ATP2B2: variants seen among roughly 807,000 people sequenced by gnomAD.
The protein encoded by ATP2B2 is ATPase plasma membrane Ca2+ transporting 2.
Under a neutral mutation model 120.0 loss-of-function variants are expected in ATP2B2, and 15 were observed. The observed-to-expected ratio is 0.12, with a 90% CI of 0.08 to 0.19. The LOEUF (loss-of-function observed/expected upper bound fraction) is 0.19, where lower values mean the gene tolerates loss of function less well. Ranked by LOEUF, ATP2B2 falls within the 10% of genes least tolerant of loss-of-function variation. The pLI is 1.00. For missense variants in ATP2B2, 1,045 were observed against 1,719.8 expected (o/e 0.61, Z 6.94); for synonymous variants, 694 against 700.3 (o/e 0.99, Z 0.14).
At chr3:10,658,710 C>G (rs2070702684) in intron 1 of ATP2B2, among the ~76,000 whole-genome samples, 2 of 152,066 alleles carry the variant, frequency 1.3e-5, no homozygotes, top group Non-Finnish European at 2.9e-5. Context: ...CCTAGCAAGG[C>G]AGGCCAACAT....
At chr3:10,586,860 C>A (rs2068521178) in intron 2 of ATP2B2, among the ~76,000 whole-genome samples, 1 of 152,188 alleles carries the variant, frequency 6.6e-6, no homozygotes, top group Admixed American at 6.5e-5. Context: ...TGTCACACCC[C>A]ACTGCCCAGC....
At chr3:10,516,769 C>T (rs2066884343) in intron 3 of ATP2B2, among the ~76,000 whole-genome samples, 1 of 152,190 alleles carries the variant, frequency 6.6e-6, no homozygotes, top group Admixed American at 6.5e-5. Flanking sequence ...AGGTGCCGTG[C>T]CCACAGCCTT....
At chr3:10,385,381 C>T in intron 7 of ATP2B2, 54 bp from the exon 8 acceptor site, 1 of 1,522,494 alleles carries the variant, frequency 6.6e-7, no homozygotes. Flanking sequence ...AGAAAAGCAA[C>T]AACGACAAAG....
chr3:10,447,180 A>C (rs2063865412), intron 2 of ATP2B2, among the ~76,000 whole-genome samples: 1 of 152,222 alleles, frequency 6.6e-6, no homozygotes, highest in South Asian at 2.1e-4. Context: ...GCTGGGACTT[A>C]GTAGCTGTGT....
At chr3:10,550,408 A>T (rs941684629) in intron 2 of ATP2B2, among the ~76,000 whole-genome samples, 2 of 152,114 alleles carry the variant, frequency 1.3e-5, no homozygotes, top group African/African-American at 2.4e-5. Context: ...TATATAATAA[A>T]TTTTGATTTT....
At chr3:10,673,419 G>C (rs2071162699) in intron 1 of ATP2B2, among the ~76,000 whole-genome samples, 1 of 150,766 alleles carries the variant, frequency 6.6e-6, no homozygotes, top group Admixed American at 6.6e-5. Context: ...GAGAGAGAGA[G>C]GAAGAAAGAG....
intron 1 of ATP2B2, among the ~76,000 whole-genome samples, chr3:10,627,112 G>C (rs1466294844): frequency 2.6e-5 from 4 of 152,210 alleles, no homozygotes; most frequent in Non-Finnish European, 5.9e-5. Context: ...CCAGCATCCT[G>C]TGGCTCCTTT....
rs2060854574 is a variant in ATP2B2 at position 10,360,111 on chromosome 3, C to T, written c.1672G>A (p.Glu558Lys). 6.3e-7 allele frequency: 1 copy of T among 1,598,334 alleles called. No individual in the cohort carries two copies. Among genetic ancestry groups the T allele is most frequent in the Non-Finnish European group, 8.6e-7 (1 of 1,169,376 alleles). The change falls in exon 13 of 23, where the codon GAG becomes AAG. Residue 558 changes from glutamate to lysine, a missense_variant. This residue lies in a region of ATP2B2 where 343 missense variants were observed against 536.8 expected (regional missense o/e 0.64). Coordinates refer to ENST00000360273, the MANE Select transcript of ATP2B2 (RefSeq NM_001001331.4). ...CCCACCTGCCGAGGCAGGGCGCCCTCCTTCTCTGGGGGCTGCAGAGAGAGG... is the reference window on the plus strand; with the variant it reads ...CCCACCTGCCGAGGCAGGGCGCCCTTCTTCTCTGGGGGCTGCAGAGAGAGG... ...YTTKILPPEK[E>K]GALPRQVGNK...
chr3:10,367,001 G>A (rs1195551813), intron 12 of ATP2B2, among the ~76,000 whole-genome samples: 1 of 152,226 alleles, frequency 6.6e-6, no homozygotes, highest in Non-Finnish European at 1.5e-5. Flanking sequence ...GTGGGGCTGG[G>A]CCCCTGAGAG....
At chr3:10,623,328 G>A (rs1318918481) in intron 1 of ATP2B2, among the ~76,000 whole-genome samples, 1 of 152,174 alleles carries the variant, frequency 6.6e-6, no homozygotes, top group Admixed American at 6.5e-5. Context: ...GAAGTGCTGG[G>A]AATATAGGCC....
chr3:10,381,483 C>A (rs1331088306), intron 8 of ATP2B2, among the ~76,000 whole-genome samples: 2 of 152,184 alleles, frequency 1.3e-5, no homozygotes, highest in African/African-American at 4.8e-5. Flanking sequence ...CTAGCACTTT[C>A]CTCTTTTATT....
chr3:10,350,671 G>A, intron 14 of ATP2B2, 94 bp from the exon 15 acceptor site: 1 of 1,371,992 alleles, frequency 7.3e-7, no homozygotes. Context: ...CTCACAGGCA[G>A]CTCTACTGAA....
chr3:10,520,322 C>G (rs542244347), intron 3 of ATP2B2, among the ~76,000 whole-genome samples: 1 of 152,122 alleles, frequency 6.6e-6, no homozygotes, highest in Non-Finnish European at 1.5e-5. Context: ...AGGGGGGTGC[C>G]GGTTTTAAGA....
rs1226389111 is a variant in ATP2B2, at chr3:10,381,767, T to G, written c.1001-2483A>C. On this transcript the variant is annotated intron_variant, in intron 8 of 22. Transcript: ENST00000360273. ...CCCTCAGGTGGGGTCTCAGAGGCCC[T>G]TCTCTGTATCTGGAGTCAGATGCAC... Among the ~76,000 whole-genome samples the G allele has an allele frequency of 2.0e-5, 3 of 152,200 alleles. No homozygotes were observed. In the East Asian group the frequency reaches 5.8e-4, roughly 29 times the overall value.
At chr3:10,498,628 C>T (rs1364913266) in intron 1 of ATP2B2, among the ~76,000 whole-genome samples, 3 of 152,204 alleles carry the variant, frequency 2.0e-5, no homozygotes, top group African/African-American at 4.8e-5. Flanking sequence ...CCAGACATGG[C>T]CCGGTAGAGT....
At position 10,609,259 on chromosome 3, in the gene ATP2B2, A is replaced by T. The variant is rs542110878; in HGVS notation, c.-415+10658T>A. ...CCTCTCCTGTGCCCTGGGCTCTGGG[A>T]CTCTGGGCTGAGGGTCTGGAGGGCA... On this transcript the variant is annotated intron_variant, in intron 2 of 21. Transcript: ENST00000646379. 3.8e-4 allele frequency among the ~76,000 whole-genome samples: 56 copies of T among 148,384 alleles called. No individual in the cohort carries two copies. In the Admixed American group the frequency reaches 3.8e-3, roughly 10 times the overall value.
chr3:10,578,881 T>C (rs981207752), intron 2 of ATP2B2, among the ~76,000 whole-genome samples: 2 of 152,172 alleles, frequency 1.3e-5, no homozygotes, highest in African/African-American at 4.8e-5. Flanking sequence ...GTGGTAATGG[T>C]CAGAGCAGTG....
intron 2 of ATP2B2, among the ~76,000 whole-genome samples, chr3:10,591,037 A>C (rs2068632166): frequency 1.3e-5 from 2 of 151,636 alleles, no homozygotes; most frequent in South Asian, 4.2e-4. Context: ...CATGCGCTTT[A>C]TCTCAGCAAT....
chr3:10,527,962 G>T (rs1164127468), intron 3 of ATP2B2, among the ~76,000 whole-genome samples: 1 of 152,106 alleles, frequency 6.6e-6, no homozygotes, highest in African/African-American at 2.4e-5. Flanking sequence ...GGGAGGTGGG[G>T]TGGGGAGGGG....
Sources: gnomAD v4.1 joint callset for allele counts (sites outside exome capture counted in the v4.1 genomes callset) on GRCh38, gnomAD v4.1.1 for gene constraint, gnomAD v4.1.1 regional missense constraint, MANE v1.5 for transcripts, NCBI Gene and HGNC (gene_info 2026-07-23, HGNC 2026-07-21) for gene names.